The following RNGTT variants were observed in gnomAD, a reference collection of about 807,000 sequenced individuals.
The protein encoded by RNGTT is RNA guanylyltransferase and 5'-phosphatase.
Under a neutral mutation model 79.3 loss-of-function variants are expected in RNGTT, and 33 were observed. That is an observed-to-expected ratio of 0.42 (90% CI 0.32 to 0.56). RNGTT has a LOEUF of 0.56. RNGTT is among the 20% of genes least tolerant of loss of function. The pLI, the probability that RNGTT is intolerant of heterozygous loss-of-function variation, is 0.17. For missense variants in RNGTT, 497 were observed against 739.1 expected, an observed-to-expected ratio of 0.67 and a Z score of 3.80; for synonymous variants, 222 against 235.9, an observed-to-expected ratio of 0.94 and a Z score of 0.54.
intron 13 of RNGTT, among the ~76,000 whole-genome samples, chr6:88,752,600 C>T (rs1012023852): frequency 6.6e-6 from 1 of 152,016 alleles, no homozygotes; most frequent in Non-Finnish European, 1.5e-5. Context: ...TTGTAGTAGA[C>T]TAAAGCAATG....
intron 1 of RNGTT, among the ~76,000 whole-genome samples, chr6:88,942,379 G>A (rs141257470): frequency 1.3e-4 from 20 of 151,834 alleles, no homozygotes; most frequent in African/African-American, 4.4e-4. Flanking sequence ...ATATGTATGC[G>A]TATTATTTTT....
chr6:88,814,086 G>T (rs1284162851), intron 11 of RNGTT, among the ~76,000 whole-genome samples: 3 of 151,946 alleles, frequency 2.0e-5, no homozygotes, highest in African/African-American at 4.8e-5. Flanking sequence ...ATCACAAGAG[G>T]TTTTATAAAA....
At chr6:88,705,272 A>G (rs1776092682) in intron 13 of RNGTT, among the ~76,000 whole-genome samples, 1 of 152,192 alleles carries the variant, frequency 6.6e-6, no homozygotes, top group Non-Finnish European at 1.5e-5. Flanking sequence ...AGATAAGAAA[A>G]AGCAACACAA....
At chr6:88,959,376 AG>A (rs1297033969) in intron 1 of RNGTT, among the ~76,000 whole-genome samples, 1 of 152,212 alleles carries the variant, frequency 6.6e-6, no homozygotes, top group Non-Finnish European at 1.5e-5. Flanking sequence ...TTTTTTAAAA[AG>A]ATCTTTACTA....
chr6:88,853,261 A>C (rs1054558890), intron 9 of RNGTT, among the ~76,000 whole-genome samples: 3 of 152,162 alleles, frequency 2.0e-5, no homozygotes, highest in Non-Finnish European at 4.4e-5. Context: ...TAATCCCAGC[A>C]CTCTGGGAGG....
At chr6:88,614,121 A>G in intron 15 of RNGTT, 151 bp downstream of exon 15, 2 of 727,380 alleles carry the variant, frequency 2.7e-6, no homozygotes, top group Non-Finnish European at 4.4e-6. Flanking sequence ...GCCAAACAGA[A>G]TACAGACTTG....
At position 88,666,006 on chromosome 6, in the gene RNGTT, C is replaced by A. The variant is rs190339890; in HGVS notation, c.1506+12347G>T. Among the ~76,000 whole-genome samples, 295 of 152,316 alleles carry A rather than the reference C, an allele frequency of 1.9e-3. 4 individuals carry two copies. Among genetic ancestry groups the A allele is most frequent in the African/African-American group, 7.0e-3 (289 of 41,558 alleles). ...CAGAAAGAAAGCAGGTCATTTGCAACCTACTGGAGCCTAAGACCAGAAGGC... is the reference window on the plus strand; with the variant it reads ...CAGAAAGAAAGCAGGTCATTTGCAAACTACTGGAGCCTAAGACCAGAAGGC... On this transcript the variant is annotated intron_variant, in intron 14 of 15. Transcript: ENST00000369485.
chr6:88,915,762 T>G (rs2127947933), intron 4 of RNGTT, among the ~76,000 whole-genome samples: 1 of 152,266 alleles, frequency 6.6e-6, no homozygotes, highest in East Asian at 1.9e-4. Context: ...CCACTGAACC[T>G]AAAATTTAAA....
rs143559265 is a variant in RNGTT at position 88,797,941 on chromosome 6, CA to C, written c.1338+3622del. 8.7e-3 allele frequency among the ~76,000 whole-genome samples: 574 copies of C among 65,798 alleles called. 1 individual carries two copies. Among genetic ancestry groups the C allele is most frequent in the African/African-American group, 0.018 (319 of 17,614 alleles). The allele number at this position is 65,798 out of a possible 152,430, so 43.2% of individuals were successfully genotyped here. On this transcript the variant is annotated intron_variant, in intron 12 of 15. Coordinates refer to ENST00000369485, the MANE Select transcript of RNGTT (RefSeq NM_003800.5). ...TGTGTAGAACTGTAGAAGCAAAAGC[CA>C]AAAAAAAAAAAAAAAAAAAGAGGAA...
At chr6:88,725,978 G>A (rs574619855) in intron 13 of RNGTT, among the ~76,000 whole-genome samples, 88 of 151,126 alleles carry the variant, frequency 5.8e-4, no homozygotes, top group African/African-American at 1.1e-3. Flanking sequence ...AGAGACAGGC[G>A]GAGAGATAAA....
intron 8 of RNGTT, among the ~76,000 whole-genome samples, chr6:88,864,529 A>G (rs1035985334): frequency 5.3e-5 from 8 of 152,132 alleles, no homozygotes; most frequent in Non-Finnish European, 1.0e-4. Flanking sequence ...TTCATCCCAT[A>G]CCAGCTCTTA....
chr6:88,851,019 G>T (rs1378179615), intron 9 of RNGTT, among the ~76,000 whole-genome samples: 1 of 151,690 alleles, frequency 6.6e-6, no homozygotes, highest in African/African-American at 2.4e-5. Context: ...TTCATATAAG[G>T]CTCCCTTGGT....
chr6:88,916,172 A>G (rs1387637497), intron 4 of RNGTT, among the ~76,000 whole-genome samples: 1 of 152,214 alleles, frequency 6.6e-6, no homozygotes, highest in Non-Finnish European at 1.5e-5. Flanking sequence ...ACCAGTATCT[A>G]CATCTATCAA....
intron 2 of RNGTT, among the ~76,000 whole-genome samples, chr6:88,940,859 T>G (rs1256504989): frequency 6.6e-6 from 1 of 152,180 alleles, no homozygotes; most frequent in Non-Finnish European, 1.5e-5. Context: ...CAATGTCAAT[T>G]TCCTGCTTGT....
intron 1 of RNGTT, among the ~76,000 whole-genome samples, chr6:88,962,061 A>AC (rs1785647308): frequency 1.3e-5 from 2 of 152,120 alleles, no homozygotes; most frequent in Non-Finnish European, 2.9e-5. Flanking sequence ...ACTTCCTTCC[A>AC]CCCCAAGAAG....
intron 8 of RNGTT, among the ~76,000 whole-genome samples, chr6:88,864,757 G>T (rs1453384408): frequency 2.0e-5 from 3 of 152,120 alleles, no homozygotes; most frequent in African/African-American, 7.2e-5. Context: ...AAGATATTCA[G>T]CCTTTAAAAG....
At chr6:88,853,529 T>C in intron 9 of RNGTT, 100 bp downstream of exon 9, 1 of 883,690 alleles carries the variant, frequency 1.1e-6, no homozygotes, top group Non-Finnish European at 1.7e-6. Flanking sequence ...AAAAGTTAGA[T>C]TTCATTCGAA....
At chr6:88,866,989 A>G (rs1166285608) in intron 8 of RNGTT, among the ~76,000 whole-genome samples, 2 of 152,198 alleles carry the variant, frequency 1.3e-5, no homozygotes, top group East Asian at 3.8e-4. Context: ...GCTACTTACA[A>G]TGTGGTCCCT....
chr6:88,713,591 G>C (rs1178327249), intron 13 of RNGTT, among the ~76,000 whole-genome samples: 1 of 152,020 alleles, frequency 6.6e-6, no homozygotes, highest in African/African-American at 2.4e-5. Flanking sequence ...TATATATAAA[G>C]TGCAGATATA....
Sources: allele counts gnomAD v4.1 joint callset (sites outside exome capture counted in the v4.1 genomes callset), GRCh38; gene constraint gnomAD v4.1.1; transcripts MANE v1.5; gene names NCBI Gene and HGNC (gene_info 2026-07-23, HGNC 2026-07-21).